The following AFG2A variants were observed in gnomAD, a reference collection of about 807,000 sequenced individuals.
AFG2A encodes AAA ATPase AFG2A, also known as ATPase family gene 2 protein homolog A.
At chr4:123,095,644 T>C in the AFG2A span, among the ~76,000 whole-genome samples, 1 of 152,050 alleles carries the variant, frequency 6.6e-6, no homozygotes, top group Non-Finnish European at 1.5e-5. Context: ...TGGAAGAAAC[T>C]GTAGTAGGAA....
the AFG2A span, among the ~76,000 whole-genome samples, chr4:123,253,429 A>C: frequency 6.6e-6 from 1 of 151,634 alleles, no homozygotes; most frequent in East Asian, 1.9e-4. Flanking sequence ...GGTTGCAGTG[A>C]GCAAAGACTG....
At chr4:123,028,001 G>GT in the AFG2A span, among the ~76,000 whole-genome samples, 1 of 150,878 alleles carries the variant, frequency 6.6e-6, no homozygotes, top group African/African-American at 2.4e-5. Flanking sequence ...ACAATATGCA[G>GT]TTCACATTTT....
At chr4:122,999,590 C>A in the AFG2A span, among the ~76,000 whole-genome samples, 4 of 151,638 alleles carry the variant, frequency 2.6e-5, no homozygotes, top group African/African-American at 4.8e-5. Flanking sequence ...GCTTGTTTTT[C>A]TCAGGTTTGT....
chr4:123,031,882 C>T, the AFG2A span, among the ~76,000 whole-genome samples: 3 of 152,188 alleles, frequency 2.0e-5, 1 homozygote, highest in Admixed American at 1.3e-4. Context: ...GCTCTTAATG[C>T]CCTCTGGCAT....
At chr4:123,119,235 C>T in the AFG2A span, among the ~76,000 whole-genome samples, 7 of 151,830 alleles carry the variant, frequency 4.6e-5, no homozygotes, top group African/African-American at 9.7e-5. Context: ...TTTTGTTTAC[C>T]GGTAAGTCAC....
the AFG2A span, among the ~76,000 whole-genome samples, chr4:123,158,565 G>C: frequency 2.6e-5 from 4 of 152,080 alleles, no homozygotes; most frequent in African/African-American, 4.8e-5. Flanking sequence ...TTCAGGTGTG[G>C]TAATATCTAT....
the AFG2A span, among the ~76,000 whole-genome samples, chr4:122,976,417 G>A: frequency 1.3e-5 from 2 of 152,100 alleles, no homozygotes; most frequent in African/African-American, 4.8e-5. Flanking sequence ...AAGTCAGCAT[G>A]GTATCTTTGA....
the AFG2A span, among the ~76,000 whole-genome samples, chr4:123,162,370 A>T: frequency 6.6e-6 from 1 of 152,240 alleles, no homozygotes; most frequent in Non-Finnish European, 1.5e-5. Context: ...TACCAATTAT[A>T]GTGGGCCATC....
At chr4:122,961,190 T>C in the AFG2A span, among the ~76,000 whole-genome samples, 5 of 152,366 alleles carry the variant, frequency 3.3e-5, no homozygotes, top group South Asian at 8.3e-4. Flanking sequence ...ATGGTTTATA[T>C]AGGCCCTTGA....
the AFG2A span, among the ~76,000 whole-genome samples, chr4:123,162,274 C>T: frequency 1.3e-5 from 2 of 152,146 alleles, no homozygotes; most frequent in Non-Finnish European, 2.9e-5. Context: ...CCTTCAAATA[C>T]ATGCAAGGAA....
the AFG2A span, among the ~76,000 whole-genome samples, chr4:123,070,280 AATT>A: frequency 3.3e-5 from 5 of 152,240 alleles, no homozygotes; most frequent in South Asian, 4.2e-4. Context: ...TTATAATTAT[AATT>A]ATTATAATGC....
At chr4:123,028,479 A>T in the AFG2A span, 1 of 1,105,832 alleles carries the variant, frequency 9.0e-7, no homozygotes, top group Non-Finnish European at 1.3e-6. Flanking sequence ...AGGAGAACGA[A>T]TAAAGGCATC....
At chr4:123,138,472 CT>C in the AFG2A span, among the ~76,000 whole-genome samples, 1 of 152,132 alleles carries the variant, frequency 6.6e-6, no homozygotes, top group African/African-American at 2.4e-5. Flanking sequence ...ATATTTCATA[CT>C]TCTTAAGATA....
At chr4:123,171,554 A>G in the AFG2A span, among the ~76,000 whole-genome samples, 5 of 152,072 alleles carry the variant, frequency 3.3e-5, no homozygotes, top group Non-Finnish European at 7.4e-5. Flanking sequence ...GAAATTCTAG[A>G]CTATAGTAAG....
At chr4:123,028,506 C>CT in the AFG2A span, 2,466 of 682,378 alleles carry the variant, frequency 3.6e-3, no homozygotes, top group Non-Finnish European at 4.2e-3. Flanking sequence ...AGCAGTGATT[C>CT]TTTTTTTTTT....
At chr4:122,940,153 G>C in the AFG2A span, among the ~76,000 whole-genome samples, 1 of 152,076 alleles carries the variant, frequency 6.6e-6, no homozygotes, top group Admixed American at 6.5e-5. Flanking sequence ...ACCCAGTAAT[G>C]GGATGGCTGG....
At chr4:122,947,527 C>G in the AFG2A span, 2 of 1,449,776 alleles carry the variant, frequency 1.4e-6, no homozygotes, top group South Asian at 1.6e-5. Context: ...TATTGATGCA[C>G]TTATCTCCAG....
At chr4:123,181,556 T>G in the AFG2A span, among the ~76,000 whole-genome samples, 1 of 152,124 alleles carries the variant, frequency 6.6e-6, no homozygotes, top group African/African-American at 2.4e-5. Context: ...AAGGCTGAGA[T>G]TGTGCCACTG....
At chr4:123,017,082 G>T in the AFG2A span, among the ~76,000 whole-genome samples, 1 of 151,598 alleles carries the variant, frequency 6.6e-6, no homozygotes, top group Non-Finnish European at 1.5e-5. Context: ...GTACAGTCCA[G>T]CTTCGGCTCG....
Sources: allele counts gnomAD v4.1 joint callset (sites outside exome capture counted in the v4.1 genomes callset), GRCh38; gene constraint gnomAD v4.1.1; transcripts MANE v1.5; gene names NCBI Gene and HGNC (gene_info 2026-07-23, HGNC 2026-07-21).